Variants in DNAJC3 observed in about 807,000 individuals in gnomAD.
The protein encoded by DNAJC3 is dnaJ homolog subfamily C member 3.
In DNAJC3, 38 loss-of-function variants were observed where a neutral mutation model predicts 68.6. That is an observed-to-expected ratio of 0.55 (90% CI 0.43 to 0.73). The LOEUF (loss-of-function observed/expected upper bound fraction) is 0.73, where lower values mean the gene tolerates loss of function less well. Ranked by LOEUF, DNAJC3 falls within the 30% of genes least tolerant of loss-of-function variation. DNAJC3 has a pLI of 0.00. For missense variants in DNAJC3, 526 were observed against 591.9 expected, an observed-to-expected ratio of 0.89 and a Z score of 1.16; for synonymous variants, 203 against 204.0, an observed-to-expected ratio of 1.00 and a Z score of 0.04.
rs143145399 is a variant in DNAJC3, at chr13:95,773,731, CTT to C, written c.1075+9801_1075+9802del. ...ACAAAGTTTGGTCAATTTTGTTGGT[CTT>C]TTTTTTTTTTTTTTTTTTTTTTGAG... On this transcript the variant is annotated intron_variant, in intron 9 of 11. Transcript: ENST00000602402. 5.0e-3 allele frequency among the ~76,000 whole-genome samples: 359 copies of C among 71,286 alleles called. 1 individual carries two copies. The highest frequency in any genetic ancestry group is 0.046 in the East Asian group (97 of 2,102). The allele number at this position is 71,286 out of a possible 152,430, so 46.8% of individuals were successfully genotyped here.
intron 2 of DNAJC3, among the ~76,000 whole-genome samples, chr13:95,720,851 T>A (rs1439196691): frequency 6.6e-6 from 1 of 152,046 alleles, no homozygotes; most frequent in Non-Finnish European, 1.5e-5. Context: ...ATTCCTTTTT[T>A]AAAAAATACA....
chr13:95,768,869 G>A (rs1291922439), intron 9 of DNAJC3, among the ~76,000 whole-genome samples: 3 of 152,028 alleles, frequency 2.0e-5, no homozygotes, highest in Non-Finnish European at 2.9e-5. Context: ...CAGCTACTCC[G>A]GAGGCTGAGG....
intron 1 of DNAJC3, among the ~76,000 whole-genome samples, chr13:95,685,996 C>G (rs112430007): frequency 0.011 from 1,709 of 149,378 alleles, 35 homozygotes; most frequent in African/African-American, 0.04. Flanking sequence ...GAGTCTTGCT[C>G]TGTCGCCCAG....
chr13:95,782,002 T>C (rs1234445501), intron 9 of DNAJC3, among the ~76,000 whole-genome samples: 18 of 152,148 alleles, frequency 1.2e-4, no homozygotes, highest in Admixed American at 1.2e-3. Context: ...CCCCTCCCTG[T>C]GTCCACATGT....
At chr13:95,767,581 T>C (rs911206648) in intron 9 of DNAJC3, among the ~76,000 whole-genome samples, 13 of 152,200 alleles carry the variant, frequency 8.5e-5, no homozygotes, top group African/African-American at 3.1e-4. Context: ...TTTTTTAATT[T>C]TTTGAGGAAC....
At chr13:95,779,054 GTTGT>G (rs1377245076) in intron 9 of DNAJC3, among the ~76,000 whole-genome samples, 3 of 146,854 alleles carry the variant, frequency 2.0e-5, no homozygotes, top group Non-Finnish European at 4.5e-5. Flanking sequence ...CCTTTTTTTG[GTTGT>G]TTTATTTTTA....
intron 4 of DNAJC3, among the ~76,000 whole-genome samples, chr13:95,726,522 G>T (rs961848829): frequency 1.3e-5 from 2 of 152,190 alleles, no homozygotes; most frequent in Non-Finnish European, 2.9e-5. Flanking sequence ...TGATGGGGTT[G>T]TTTGTGAAAC....
intron 4 of DNAJC3, among the ~76,000 whole-genome samples, chr13:95,737,331 C>A (rs975408800): frequency 6.6e-6 from 1 of 152,130 alleles, no homozygotes; most frequent in Non-Finnish European, 1.5e-5. Flanking sequence ...TGATGCTGGC[C>A]TCATAAAATG....
intron 9 of DNAJC3, among the ~76,000 whole-genome samples, chr13:95,780,201 A>G (rs1883411077): frequency 6.6e-6 from 1 of 152,058 alleles, no homozygotes; most frequent in Non-Finnish European, 1.5e-5. Context: ...CACCAGCCCC[A>G]CTTGCCCCTG....
intron 9 of DNAJC3, among the ~76,000 whole-genome samples, chr13:95,781,660 G>T (rs987304179): frequency 6.6e-6 from 1 of 152,114 alleles, no homozygotes; most frequent in African/African-American, 2.4e-5. Context: ...AAAGTAATTT[G>T]GGATAAGATT....
chr13:95,786,906 T>A (rs1883618154), intron 10 of DNAJC3, 101 bp from the exon 11 acceptor site: 1 of 1,400,460 alleles, frequency 7.1e-7, no homozygotes, highest in Non-Finnish European at 9.7e-7. Context: ...ATAAAACCAG[T>A]TTTGTTAATT....
rs1879847958 is a variant in DNAJC3 at position 95,679,197 on chromosome 13, C to A, written c.82+1860C>A. Among the ~76,000 whole-genome samples the A allele has an allele frequency of 9.3e-5, 9 of 97,102 alleles. No individual in the cohort carries two copies. The South Asian group carries it at 3.0e-3, about 32-fold the overall frequency. The allele number at this position is 97,102 out of a possible 152,430, so 63.7% of individuals were successfully genotyped here. ...GATGGCAGCTGAGAAAAAAAATCAG[C>A]ACTTTTTTTTTTTTTTTTTTTTTGT... On this transcript the variant is annotated intron_variant, in intron 1 of 11. Transcript: ENST00000602402.
chr13:95,719,919 A>G (rs1881266971), intron 2 of DNAJC3, among the ~76,000 whole-genome samples: 2 of 152,334 alleles, frequency 1.3e-5, no homozygotes, highest in East Asian at 3.9e-4. Flanking sequence ...TTTACCGTAT[A>G]CCATGTAAAT....
chr13:95,718,850 G>C (rs1881233304), intron 2 of DNAJC3, among the ~76,000 whole-genome samples: 1 of 152,180 alleles, frequency 6.6e-6, no homozygotes, highest in Non-Finnish European at 1.5e-5. Flanking sequence ...TCTCCACCAA[G>C]TAATCCTACA....
chr13:95,742,529 ACTGCTGGGG>A (rs1882175995), intron 4 of DNAJC3: 1 of 424,976 alleles, frequency 2.4e-6, no homozygotes, highest in South Asian at 1.8e-5. Context: ...GGCAATGTGG[ACTGCTGGGG>A]GTCACTTACT....
chr13:95,741,397 T>C (rs918891430), intron 4 of DNAJC3, among the ~76,000 whole-genome samples: 4 of 152,200 alleles, frequency 2.6e-5, no homozygotes, highest in African/African-American at 9.7e-5. Flanking sequence ...AGCTGTTTTG[T>C]AGTTTTGCTG....
At chr13:95,788,926 C>T (rs1376133190) in intron 11 of DNAJC3, among the ~76,000 whole-genome samples, 1 of 152,186 alleles carries the variant, frequency 6.6e-6, no homozygotes, top group East Asian at 1.9e-4. Flanking sequence ...TATTAACACT[C>T]AGCATAAGAA....
At chr13:95,763,085 T>C (rs1259065565) in intron 7 of DNAJC3, among the ~76,000 whole-genome samples, 1 of 152,234 alleles carries the variant, frequency 6.6e-6, no homozygotes, top group Non-Finnish European at 1.5e-5. Context: ...ATTAGTACTT[T>C]TTACTGGTTT....
intron 4 of DNAJC3, among the ~76,000 whole-genome samples, chr13:95,729,029 G>A (rs960639823): frequency 3.4e-5 from 5 of 148,556 alleles, no homozygotes; most frequent in African/African-American, 1.2e-4. Flanking sequence ...TTTTTTTTTT[G>A]CTCCCACATA....
Sources: gnomAD v4.1 joint callset for allele counts (sites outside exome capture counted in the v4.1 genomes callset) on GRCh38, gnomAD v4.1.1 for gene constraint, MANE v1.5 for transcripts, NCBI Gene and HGNC (gene_info 2026-07-23, HGNC 2026-07-21) for gene names.